BRINP1: variants seen among roughly 807,000 people sequenced by gnomAD.
BRINP1 encodes BMP/retinoic acid-inducible neural-specific protein 1.
A neutral mutation model predicts 72.9 loss-of-function variants in BRINP1; 17 were observed. That is an observed-to-expected ratio of 0.23 (90% CI 0.16 to 0.35). The LOEUF (loss-of-function observed/expected upper bound fraction) is 0.35, where lower values mean the gene tolerates loss of function less well. Ranked by LOEUF, BRINP1 falls within the 10% of genes least tolerant of loss-of-function variation. BRINP1 has a pLI of 1.00. For missense variants in BRINP1, 850 were observed against 1,001.6 expected, an observed-to-expected ratio of 0.85 and a Z score of 2.04; for synonymous variants, 418 against 378.5, an observed-to-expected ratio of 1.10 and a Z score of -1.21.
intron 2 of BRINP1, among the ~76,000 whole-genome samples, chr9:119,251,792 CA>C (rs918757079): frequency 6.6e-6 from 1 of 152,062 alleles, no homozygotes; most frequent in African/African-American, 2.4e-5. Flanking sequence ...CCAGCTGAGA[CA>C]AATGTTACAG....
At chr9:119,346,266 A>T (rs1391029810) in intron 1 of BRINP1, among the ~76,000 whole-genome samples, 1 of 152,224 alleles carries the variant, frequency 6.6e-6, no homozygotes, top group Non-Finnish European at 1.5e-5. Flanking sequence ...AGTAGTCTGT[A>T]CTCAAATGTG....
At chr9:119,229,309 C>T (rs901316088) in intron 5 of BRINP1, among the ~76,000 whole-genome samples, 4 of 151,880 alleles carry the variant, frequency 2.6e-5, no homozygotes, top group Non-Finnish European at 4.4e-5. Flanking sequence ...AAAAATAATA[C>T]CTAACTTTTT....
intron 2 of BRINP1, chr9:119,283,141 T>C: frequency 1.0e-6 from 1 of 985,008 alleles, no homozygotes; most frequent in Non-Finnish European, 1.2e-6. Context: ...GCTGTGGTTG[T>C]AAATGAGATC....
intron 2 of BRINP1, among the ~76,000 whole-genome samples, chr9:119,285,637 G>C (rs1423105094): frequency 1.3e-5 from 2 of 152,144 alleles, no homozygotes; most frequent in Non-Finnish European, 2.9e-5. Context: ...TAATAGCATA[G>C]AGGGAACTTC....
chr9:119,277,852 C>T (rs201528396), intron 2 of BRINP1, among the ~76,000 whole-genome samples: 1 of 152,266 alleles, frequency 6.6e-6, no homozygotes, highest in East Asian at 1.9e-4. Context: ...TCCATCCTAT[C>T]TTCCACTCTA....
intron 7 of BRINP1, among the ~76,000 whole-genome samples, chr9:119,190,970 G>A (rs553118834): frequency 6.6e-6 from 1 of 151,902 alleles, no homozygotes; most frequent in Non-Finnish European, 1.5e-5. Flanking sequence ...GGAACGCAAG[G>A]CTGGTTTAAT....
intron 1 of BRINP1, among the ~76,000 whole-genome samples, chr9:119,355,388 A>G (rs566635564): frequency 6.6e-6 from 1 of 152,310 alleles, no homozygotes; most frequent in South Asian, 2.1e-4. Flanking sequence ...TTCATTCTCA[A>G]CAGCATAACT....
chr9:119,323,781 G>T (rs566486230), intron 1 of BRINP1, among the ~76,000 whole-genome samples: 1 of 152,314 alleles, frequency 6.6e-6, no homozygotes, highest in East Asian at 1.9e-4. Flanking sequence ...AGAAGTCAGA[G>T]GTCAAGGTTA....
intron 1 of BRINP1, among the ~76,000 whole-genome samples, chr9:119,338,444 CAAT>C (rs1213756499): frequency 1.3e-5 from 2 of 152,008 alleles, no homozygotes; most frequent in African/African-American, 4.8e-5. Flanking sequence ...AGAAGAACAA[CAAT>C]GATAGGTGTT....
intron 2 of BRINP1, among the ~76,000 whole-genome samples, chr9:119,272,048 A>G (rs1236153198): frequency 8.0e-5 from 12 of 150,030 alleles, no homozygotes; most frequent in Admixed American, 7.4e-4. Flanking sequence ...AAAAAGTGGG[A>G]GAAATTATTA....
intron 2 of BRINP1, among the ~76,000 whole-genome samples, chr9:119,288,639 G>C (rs186136999): frequency 1.6e-4 from 25 of 152,354 alleles, no homozygotes; most frequent in Admixed American, 2.6e-4. Flanking sequence ...TTTTTAGCAA[G>C]AGGTGGGAAA....
chr9:119,337,721 AG>A (rs1194536000), intron 1 of BRINP1, among the ~76,000 whole-genome samples: 1 of 152,220 alleles, frequency 6.6e-6, no homozygotes, highest in Non-Finnish European at 1.5e-5. Flanking sequence ...ACAGATACAG[AG>A]CAGTTCCTCT....
chr9:119,189,492 G>A (rs968051919), intron 7 of BRINP1, among the ~76,000 whole-genome samples: 1 of 152,068 alleles, frequency 6.6e-6, no homozygotes, highest in Admixed American at 6.6e-5. Flanking sequence ...CTTGCAAATA[G>A]TAGTCAAAAG....
At chr9:119,338,545 G>A (rs1831373298) in intron 1 of BRINP1, among the ~76,000 whole-genome samples, 1 of 150,252 alleles carries the variant, frequency 6.7e-6, no homozygotes, top group Non-Finnish European at 1.5e-5. Flanking sequence ...AAGTGGAGAA[G>A]ACTGAAATAG....
intron 2 of BRINP1, among the ~76,000 whole-genome samples, chr9:119,278,852 C>T (rs1830681130): frequency 6.6e-6 from 1 of 152,108 alleles, no homozygotes; most frequent in African/African-American, 2.4e-5. Context: ...TGCGCCACTG[C>T]ACTCCGACAT....
At chr9:119,242,536 T>C (rs1487724099) in intron 3 of BRINP1, among the ~76,000 whole-genome samples, 1 of 152,236 alleles carries the variant, frequency 6.6e-6, no homozygotes, top group Non-Finnish European at 1.5e-5. Flanking sequence ...GTCTCTTCTA[T>C]ACAATGGCAA....
Position 119,288,450 on chromosome 9 carries a change from T to C in BRINP1, c.218+24688A>G, listed in dbSNP as rs542771704. Among the ~76,000 whole-genome samples, 16 of 152,334 alleles carry C rather than the reference T, an allele frequency of 1.1e-4. No individual in the cohort carries two copies. In the East Asian group the frequency reaches 3.1e-3, roughly 29 times the overall value. On this transcript the variant is annotated intron_variant, in intron 2 of 7. Coordinates refer to ENST00000265922, the MANE Select transcript of BRINP1 (RefSeq NM_014618.3). ...GACAATGGATGACTAGACCTGGGCCTTGACCTCAGTAGCCAACAGACTCCT... is the reference window on the plus strand; with the variant it reads ...GACAATGGATGACTAGACCTGGGCCCTGACCTCAGTAGCCAACAGACTCCT...
At chr9:119,351,069 GC>G (rs898736702) in intron 1 of BRINP1, among the ~76,000 whole-genome samples, 2 of 151,768 alleles carry the variant, frequency 1.3e-5, no homozygotes, top group Admixed American at 6.6e-5. Flanking sequence ...CCCTTGTCTT[GC>G]CCCCCAACCC....
chr9:119,348,757 T>G (rs1045113571), intron 1 of BRINP1, among the ~76,000 whole-genome samples: 5 of 152,166 alleles, frequency 3.3e-5, no homozygotes, highest in Non-Finnish European at 5.9e-5. Flanking sequence ...ATGTGTGGGC[T>G]TTTGGAGGAT....
Sources: gnomAD v4.1 joint callset for allele counts (sites outside exome capture counted in the v4.1 genomes callset) on GRCh38, gnomAD v4.1.1 for gene constraint, MANE v1.5 for transcripts, NCBI Gene and HGNC (gene_info 2026-07-23, HGNC 2026-07-21) for gene names.